Variants in COL26A1 observed in about 807,000 individuals in gnomAD.
COL26A1 encodes the protein collagen type XXVI alpha 1 chain.
COL26A1 carries 41 observed loss-of-function variants against 59.3 expected under a neutral mutation model. The ratio of observed to expected loss-of-function variants is 0.69; its 90% confidence interval spans 0.54 to 0.90. The LOEUF (loss-of-function observed/expected upper bound fraction) is 0.90, where lower values mean the gene tolerates loss of function less well. Ranked by LOEUF, COL26A1 falls within the 40% of genes least tolerant of loss-of-function variation. The pLI, the probability that COL26A1 is intolerant of heterozygous loss-of-function variation, is 0.00. For synonymous variants in COL26A1, 266 were observed against 256.0 expected (o/e 1.04, Z -0.37); for missense variants, 612 against 602.3 (o/e 1.02, Z -0.17).
intron 1 of COL26A1, among the ~76,000 whole-genome samples, chr7:101,415,072 A>G (rs1316037275): frequency 6.6e-6 from 1 of 152,094 alleles, no homozygotes; most frequent in Non-Finnish European, 1.5e-5. Flanking sequence ...TTGATTAAGA[A>G]TGATGCCTTG....
intron 3 of COL26A1, among the ~76,000 whole-genome samples, chr7:101,488,979 G>T (rs1217062893): frequency 6.6e-6 from 1 of 152,120 alleles, no homozygotes; most frequent in African/African-American, 2.4e-5. Context: ...ATATTGCCCT[G>T]GGGACAAACC....
At chr7:101,431,362 C>T (rs1161012124) in intron 2 of COL26A1, among the ~76,000 whole-genome samples, 1 of 152,118 alleles carries the variant, frequency 6.6e-6, no homozygotes, top group Non-Finnish European at 1.5e-5. Flanking sequence ...TGGGCTTAAG[C>T]AATTCTTCCA....
chr7:101,524,896 A>G (rs964528027), intron 3 of COL26A1, among the ~76,000 whole-genome samples: 5 of 152,140 alleles, frequency 3.3e-5, no homozygotes, highest in Admixed American at 2.6e-4. Flanking sequence ...ATCAACCTTG[A>G]ATAAGGGTTG....
At chr7:101,452,431 T>C (rs1361145976) in intron 3 of COL26A1, among the ~76,000 whole-genome samples, 3 of 152,148 alleles carry the variant, frequency 2.0e-5, no homozygotes, top group South Asian at 2.1e-4. Flanking sequence ...GCTTGGCACT[T>C]CCCTTCAAGA....
At chr7:101,414,324 T>C (rs1208672168) in intron 1 of COL26A1, among the ~76,000 whole-genome samples, 1 of 152,144 alleles carries the variant, frequency 6.6e-6, no homozygotes, top group East Asian at 1.9e-4. Context: ...GCCTGTCTGT[T>C]CTAGAACCCT....
chr7:101,551,894 T>TG (rs974069632), intron 10 of COL26A1, among the ~76,000 whole-genome samples: 73 of 152,184 alleles, frequency 4.8e-4, no homozygotes, highest in African/African-American at 1.7e-3. Flanking sequence ...CTGGCCACAG[T>TG]GGAGGTGCTC....
At chr7:101,503,552 T>C (rs982226866) in intron 3 of COL26A1, among the ~76,000 whole-genome samples, 1 of 152,078 alleles carries the variant, frequency 6.6e-6, no homozygotes, top group African/African-American at 2.4e-5. Flanking sequence ...CTGGCTAATG[T>C]TCGTATTTTT....
chr7:101,477,720 G>A (rs1794079852), intron 3 of COL26A1, among the ~76,000 whole-genome samples: 1 of 152,156 alleles, frequency 6.6e-6, no homozygotes, highest in Non-Finnish European at 1.5e-5. Flanking sequence ...AGGACACAGA[G>A]ACATCCTCTT....
At chr7:101,555,345 A>G (rs114353235) in intron 11 of COL26A1, among the ~76,000 whole-genome samples, 2,436 of 152,188 alleles carry the variant, frequency 0.016, 62 homozygotes, top group African/African-American at 0.056. Flanking sequence ...TTTGGTGGCG[A>G]GCTCTTGGGC....
chr7:101,384,235 T>TTTTTTG (rs1554403541), intron 1 of COL26A1, among the ~76,000 whole-genome samples: 2 of 145,978 alleles, frequency 1.4e-5, no homozygotes, highest in South Asian at 2.2e-4. Flanking sequence ...GGCTGGTTTT[T>TTTTTTG]TTTTTTTTTT....
chr7:101,512,280 T>G (rs1794941887), intron 3 of COL26A1, among the ~76,000 whole-genome samples: 1 of 152,036 alleles, frequency 6.6e-6, no homozygotes, highest in Admixed American at 6.6e-5. Context: ...CAAGAAAACT[T>G]GTCCATCTTC....
rs117051432 is a variant in COL26A1 at position 101,367,867 on chromosome 7, C to T, written c.158+4677C>T. On this transcript the variant is annotated intron_variant, in intron 1 of 12. Coordinates refer to ENST00000313669, the MANE Select transcript of COL26A1 (RefSeq NM_001278563.3). ...ATAAATGTCTGCTACTTAAGCCATT[C>T]AGTCTGTGGTATTCTGTTACGGCAA... Among the ~76,000 whole-genome samples, 288 of 152,266 alleles carry T rather than the reference C, an allele frequency of 1.9e-3. 5 individuals carry two copies. Among genetic ancestry groups the T allele is most frequent in the East Asian group, 0.017 (88 of 5,178 alleles).
intron 1 of COL26A1, among the ~76,000 whole-genome samples, chr7:101,376,803 GTGCTCAGA>G (rs1478193494): frequency 1.3e-5 from 2 of 152,138 alleles, no homozygotes; most frequent in African/African-American, 4.8e-5. Flanking sequence ...GGATCGGAGG[GTGCTCAGA>G]TGCCTGTGGT....
intron 1 of COL26A1, among the ~76,000 whole-genome samples, chr7:101,383,771 G>A (rs1408860475): frequency 6.6e-6 from 1 of 152,126 alleles, no homozygotes; most frequent in Non-Finnish European, 1.5e-5. Flanking sequence ...CTGACCTCAC[G>A]TGATCCACCT....
At position 101,558,213 on chromosome 7, in the gene COL26A1, G is replaced by A. The variant is rs1796026840; in HGVS notation, c.*683G>A. 6.6e-6 allele frequency: 1 copy of A among 152,434 alleles called. No homozygotes were observed. The allele number at this position is 152,434 out of a possible 1,614,324, so 9.4% of individuals were successfully genotyped here. On this transcript the variant is annotated 3_prime_UTR_variant, in exon 13 of 13. Coordinates refer to ENST00000313669, the MANE Select transcript of COL26A1 (RefSeq NM_001278563.3). ...CATCCCCCTTCCCCACTGGCTGGGG[G>A]AGCAGCCTGGACTGCAGCTCTCAGA... is the stretch of plus-strand genomic sequence containing the variant.
At chr7:101,505,900 C>A (rs1393087897) in intron 3 of COL26A1, among the ~76,000 whole-genome samples, 9 of 152,212 alleles carry the variant, frequency 5.9e-5, no homozygotes, top group Admixed American at 5.2e-4. Context: ...TGAGGCCCAA[C>A]AGCCCAGAGA....
At chr7:101,407,240 T>G (rs1265876402) in intron 1 of COL26A1, among the ~76,000 whole-genome samples, 3 of 152,148 alleles carry the variant, frequency 2.0e-5, no homozygotes, top group Non-Finnish European at 4.4e-5. Context: ...TCTGGGGCCA[T>G]GAGAGCAAGT....
chr7:101,369,659 T>G (rs1211334772), intron 1 of COL26A1, among the ~76,000 whole-genome samples: 1 of 151,584 alleles, frequency 6.6e-6, no homozygotes, highest in Non-Finnish European at 1.5e-5. Flanking sequence ...TCCATTTTTA[T>G]GGGTCTGTTG....
intron 1 of COL26A1, among the ~76,000 whole-genome samples, chr7:101,384,238 T>TTTTG (rs1554403552): frequency 0.01 from 1,438 of 141,152 alleles, 27 homozygotes; most frequent in African/African-American, 0.037. Flanking sequence ...TGGTTTTTTT[T>TTTTG]TTTTTTTTTT....
Sources: gnomAD v4.1 joint callset for allele counts (sites outside exome capture counted in the v4.1 genomes callset) on GRCh38, gnomAD v4.1.1 for gene constraint, MANE v1.5 for transcripts, NCBI Gene and HGNC (gene_info 2026-07-23, HGNC 2026-07-21) for gene names.